Variants in RORA observed in about 807,000 individuals in gnomAD.
RORA encodes nuclear receptor ROR-alpha.
Under a neutral mutation model 69.5 loss-of-function variants are expected in RORA, and 7 were observed. That is an observed-to-expected ratio of 0.10 (90% CI 0.06 to 0.19). The LOEUF (loss-of-function observed/expected upper bound fraction) is 0.19, where lower values mean the gene tolerates loss of function less well. Among genes scored for constraint, RORA ranks in the 10% least tolerant of loss-of-function variants. RORA has a pLI of 1.00. For synonymous variants in RORA, 261 were observed against 240.8 expected (o/e 1.08, Z -0.78); for missense variants, 457 against 663.0 (o/e 0.69, Z 3.41).
At chr15:61,220,441 C>T (rs1290021217) in intron 1 of RORA, among the ~76,000 whole-genome samples, 1 of 152,234 alleles carries the variant, frequency 6.6e-6, no homozygotes, top group Non-Finnish European at 1.5e-5. Flanking sequence ...GCTAAATATA[C>T]ATGTGTGTCC....
At chr15:61,020,361 T>A (rs943693444) in intron 1 of RORA, among the ~76,000 whole-genome samples, 1 of 152,140 alleles carries the variant, frequency 6.6e-6, no homozygotes, top group Non-Finnish European at 1.5e-5. Flanking sequence ...GTAGCTAGCA[T>A]CTTACCATGG....
chr15:61,067,742 T>C (rs2078284892), intron 1 of RORA, among the ~76,000 whole-genome samples: 1 of 152,216 alleles, frequency 6.6e-6, no homozygotes, highest in African/African-American at 2.4e-5. Context: ...TATGTACTGC[T>C]GCCAGGTTCA....
intron 1 of RORA, among the ~76,000 whole-genome samples, chr15:60,998,226 C>T (rs528369323): frequency 1.6e-4 from 24 of 150,868 alleles, no homozygotes; most frequent in African/African-American, 5.1e-4. Flanking sequence ...TACAGTGGCC[C>T]GATCACAGCT....
At chr15:60,504,146 C>G (rs144399845) in intron 6 of RORA, among the ~76,000 whole-genome samples, 5 of 152,248 alleles carry the variant, frequency 3.3e-5, no homozygotes, top group African/African-American at 1.2e-4. Context: ...AATTTAACAC[C>G]ACTTTACTTT....
chr15:60,807,165 A>C (rs763128434), intron 1 of RORA, among the ~76,000 whole-genome samples: 4 of 152,190 alleles, frequency 2.6e-5, no homozygotes, highest in African/African-American at 4.8e-5. Context: ...AGAAAAACCT[A>C]AAGGTTCATC....
At chr15:60,579,671 T>C (rs17237290) in intron 2 of RORA, among the ~76,000 whole-genome samples, 8,484 of 152,236 alleles carry the variant, frequency 0.056, 266 homozygotes, top group East Asian at 0.13. Context: ...TCCCAACTCT[T>C]TCCCAAACCT....
chr15:61,000,900 G>A (rs1323287265), intron 1 of RORA, among the ~76,000 whole-genome samples: 1 of 152,080 alleles, frequency 6.6e-6, no homozygotes, highest in Non-Finnish European at 1.5e-5. Flanking sequence ...ACCCTCTTGG[G>A]CCTCAGTTTC....
At chr15:60,808,405 T>A (rs976977081) in intron 1 of RORA, among the ~76,000 whole-genome samples, 50 of 152,086 alleles carry the variant, frequency 3.3e-4, no homozygotes, top group African/African-American at 9.9e-4. Flanking sequence ...AAAAAAAATT[T>A]AAAAAATAGA....
intron 1 of RORA, among the ~76,000 whole-genome samples, chr15:60,777,179 T>C (rs2072180545): frequency 6.6e-6 from 1 of 152,210 alleles, no homozygotes; most frequent in Non-Finnish European, 1.5e-5. Context: ...AAACAAAGCA[T>C]AAGAATGTTC....
intron 1 of RORA, among the ~76,000 whole-genome samples, chr15:60,758,903 CCAGA>C (rs1324531672): frequency 2.6e-5 from 4 of 152,118 alleles, no homozygotes; most frequent in South Asian, 2.1e-4. Context: ...ATAAGAGAGG[CCAGA>C]CAGTTACCAT....
chr15:60,893,020 GAATTCTCCCAGC>G (rs1335717720), intron 1 of RORA, among the ~76,000 whole-genome samples: 1 of 152,172 alleles, frequency 6.6e-6, no homozygotes, highest in African/African-American at 2.4e-5. Flanking sequence ...GATTCCAGAT[GAATTCTCCCAGC>G]ATAGCCTCAG....
At chr15:60,845,631 A>C (rs888574457) in intron 1 of RORA, among the ~76,000 whole-genome samples, 4 of 152,286 alleles carry the variant, frequency 2.6e-5, no homozygotes, top group Admixed American at 2.6e-4. Context: ...CAGCTTTCTC[A>C]TTTATAAATT....
At chr15:61,000,965 C>T (rs1381228459) in intron 1 of RORA, among the ~76,000 whole-genome samples, 3 of 152,138 alleles carry the variant, frequency 2.0e-5, no homozygotes, top group African/African-American at 7.2e-5. Flanking sequence ...TCCTCCAGCT[C>T]ATGATGATCT....
At chr15:60,789,618 C>G (rs533494224) in intron 1 of RORA, among the ~76,000 whole-genome samples, 2 of 152,202 alleles carry the variant, frequency 1.3e-5, no homozygotes, top group South Asian at 4.1e-4. Context: ...TTTGGGGCAG[C>G]TGAAGTTTAA....
intron 3 of RORA, among the ~76,000 whole-genome samples, chr15:60,515,430 A>G (rs2065832981): frequency 1.3e-5 from 2 of 149,490 alleles, no homozygotes; most frequent in Non-Finnish European, 3.0e-5. Flanking sequence ...ATGCTCATCA[A>G]GTTCCTCTCG....
intron 1 of RORA, among the ~76,000 whole-genome samples, chr15:60,949,510 C>T (rs1444500714): frequency 6.6e-6 from 1 of 152,234 alleles, no homozygotes; most frequent in East Asian, 1.9e-4. Context: ...AGAGCAGCTG[C>T]TGTGTGTGGA....
chr15:60,709,458 C>A (rs577602819), intron 1 of RORA, among the ~76,000 whole-genome samples: 69 of 152,250 alleles, frequency 4.5e-4, no homozygotes, highest in South Asian at 1.2e-3. Context: ...GGGTCCTTAA[C>A]CCCTGGTACT....
Position 60,727,242 on chromosome 15 carries a change from C to G in RORA, c.167-48556G>C, listed in dbSNP as rs924771968. Among the ~76,000 whole-genome samples the G allele has an allele frequency of 2.0e-5, 3 of 151,846 alleles. No individual in the cohort carries two copies. The South Asian group carries it at 6.2e-4, about 32-fold the overall frequency. ...GCTCAAAAGTCAACCATTCTTGTGC[C>G]TCCTTCCCCTTCTTTGCAATTGCTT... On this transcript the variant is annotated intron_variant, in intron 1 of 10. Transcript: ENST00000335670.
intron 1 of RORA, among the ~76,000 whole-genome samples, chr15:61,070,515 G>A (rs1032868752): frequency 6.6e-6 from 1 of 152,152 alleles, no homozygotes; most frequent in African/African-American, 2.4e-5. Context: ...GAAGTTGTAG[G>A]CATCTGATCC....
Sources: gnomAD v4.1 joint callset for allele counts (sites outside exome capture counted in the v4.1 genomes callset) on GRCh38, gnomAD v4.1.1 for gene constraint, MANE v1.5 for transcripts, NCBI Gene and HGNC (gene_info 2026-07-23, HGNC 2026-07-21) for gene names.